SORCS2: variants seen among roughly 807,000 people sequenced by gnomAD.
The protein encoded by SORCS2 is VPS10 domain-containing receptor SorCS2.
Under a neutral mutation model 141.6 loss-of-function variants are expected in SORCS2, and 100 were observed. The observed-to-expected ratio is 0.71, with a 90% confidence interval of 0.60 to 0.83. The LOEUF (loss-of-function observed/expected upper bound fraction) is 0.83. Ranked by LOEUF, SORCS2 falls within the 40% of genes least tolerant of loss-of-function variation. SORCS2 has a pLI of 0.00. For synonymous variants in SORCS2, 789 were observed against 676.9 expected (o/e 1.17, Z -2.57); for missense variants, 1,646 against 1,560.2 (o/e 1.05, Z -0.93).
chr4:7,657,206 G>T (rs1157879916), intron 5 of SORCS2, among the ~76,000 whole-genome samples: 1 of 152,250 alleles, frequency 6.6e-6, no homozygotes, highest in East Asian at 1.9e-4. Context: ...CAGAGCAAGA[G>T]ACTAAAGGAA....
At chr4:7,518,960 G>A (rs1350686262) in intron 2 of SORCS2, among the ~76,000 whole-genome samples, 2 of 152,190 alleles carry the variant, frequency 1.3e-5, no homozygotes, top group South Asian at 2.1e-4. Flanking sequence ...AGCTGCCAAG[G>A]TAACTGGCAC....
chr4:7,293,809 C>G (rs1254153206), intron 1 of SORCS2, among the ~76,000 whole-genome samples: 2 of 152,178 alleles, frequency 1.3e-5, no homozygotes, highest in African/African-American at 4.8e-5. Flanking sequence ...TAGGGCATGC[C>G]TGCATTGGCT....
At chr4:7,242,674 C>T (rs1192796858) in intron 1 of SORCS2, among the ~76,000 whole-genome samples, 1 of 152,118 alleles carries the variant, frequency 6.6e-6, no homozygotes, top group African/African-American at 2.4e-5. Flanking sequence ...ACTTCCAGGC[C>T]CAATTCAAAT....
intron 2 of SORCS2, among the ~76,000 whole-genome samples, chr4:7,454,106 G>A (rs1728689393): frequency 7.2e-6 from 1 of 138,092 alleles, no homozygotes. Context: ...GTCAGGTGCT[G>A]TGTTGGGGTC....
intron 2 of SORCS2, among the ~76,000 whole-genome samples, chr4:7,460,464 T>G (rs1034228325): frequency 6.6e-6 from 1 of 152,180 alleles, no homozygotes; most frequent in Admixed American, 6.5e-5. Flanking sequence ...AGTTGCAGCC[T>G]CAGTGAATTC....
chr4:7,213,898 G>C (rs1728183912), intron 1 of SORCS2, among the ~76,000 whole-genome samples: 1 of 152,248 alleles, frequency 6.6e-6, no homozygotes, highest in Non-Finnish European at 1.5e-5. Flanking sequence ...GGCTGGGCTG[G>C]AAGCTGGCTT....
intron 1 of SORCS2, among the ~76,000 whole-genome samples, chr4:7,308,259 C>T (rs1323828083): frequency 6.6e-6 from 1 of 152,170 alleles, no homozygotes; most frequent in Non-Finnish European, 1.5e-5. Context: ...CCCGGTGGGG[C>T]CTCAAGGCAG....
At chr4:7,674,896 C>A (rs543569406) in intron 8 of SORCS2, among the ~76,000 whole-genome samples, 4 of 152,262 alleles carry the variant, frequency 2.6e-5, no homozygotes, top group Admixed American at 6.5e-5. Context: ...CACAGCTACA[C>A]CGTAATTGGG....
intron 2 of SORCS2, among the ~76,000 whole-genome samples, chr4:7,511,639 C>A (rs1212703683): frequency 6.6e-6 from 1 of 152,072 alleles, no homozygotes; most frequent in Non-Finnish European, 1.5e-5. Flanking sequence ...GGGCGTGGCC[C>A]CGTGAAGGCC....
intron 3 of SORCS2, among the ~76,000 whole-genome samples, chr4:7,635,523 A>G (rs769430718): frequency 6.6e-5 from 10 of 152,110 alleles, no homozygotes; most frequent in Non-Finnish European, 1.5e-4. Context: ...TTGTCCACTC[A>G]TTTGTCATTA....
intron 16 of SORCS2, 82 bp downstream of exon 16, chr4:7,714,455 AG>A: frequency 6.8e-7 from 1 of 1,465,500 alleles, no homozygotes; most frequent in Non-Finnish European, 9.2e-7. Flanking sequence ...CCTCAGAGTG[AG>A]GGAGGAAGCC....
At chr4:7,672,701 C>T (rs1418204821) in intron 8 of SORCS2, among the ~76,000 whole-genome samples, 1 of 152,178 alleles carries the variant, frequency 6.6e-6, no homozygotes. Context: ...CTGGATACCC[C>T]TCATATCCAT....
At chr4:7,244,561 C>T (rs73206413) in intron 1 of SORCS2, among the ~76,000 whole-genome samples, 1,642 of 152,344 alleles carry the variant, frequency 0.011, 12 homozygotes, top group Non-Finnish European at 0.017. Flanking sequence ...AGATGAAAAG[C>T]GTGAAGCAGG....
chr4:7,227,700 C>T (rs763035628), intron 1 of SORCS2, among the ~76,000 whole-genome samples: 2 of 152,208 alleles, frequency 1.3e-5, no homozygotes, highest in Non-Finnish European at 2.9e-5. Context: ...TCCTTCCTCG[C>T]CTTTCACCCC....
intron 1 of SORCS2, among the ~76,000 whole-genome samples, chr4:7,301,521 C>T (rs535893454): frequency 2.0e-5 from 3 of 152,314 alleles, no homozygotes; most frequent in African/African-American, 7.2e-5. Context: ...CTGGGCTGAC[C>T]CCTGAGTATG....
Position 7,192,679 on chromosome 4 carries a change from G to A in SORCS2, c.33G>A (p.Lys11=). Residue 11 remains lysine, a synonymous_variant, in exon 1 of 27, where the codon AAG becomes AAA. Transcript: ENST00000507866. This position sits in a 1 kb window ranked among gnomAD's most constrained non-coding sequence, Gnocchi z 4.0. ...ACCGGGGGCCCTCGCGCGCCTCGAA[G>A]GGCCCCGGCCCCACCGCCCGAGCCC... MAHRGPSRAS[K]GPGPTARAPS... is the part of the protein sequence containing the mutation. 8.1e-6 allele frequency: 8 copies of A among 988,420 alleles called. No homozygotes were observed. The highest frequency in any genetic ancestry group is 9.6e-6 in the Non-Finnish European group (8 of 833,258). The allele number at this position is 988,420 out of a possible 1,614,324, so 61.2% of individuals were successfully genotyped here.
At chr4:7,252,488 A>C (rs1040977128) in intron 1 of SORCS2, among the ~76,000 whole-genome samples, 5 of 152,232 alleles carry the variant, frequency 3.3e-5, no homozygotes, top group African/African-American at 1.2e-4. Context: ...TGATGGTTGA[A>C]CTTTTTCATT....
chr4:7,632,864 T>A (rs1246977330), intron 3 of SORCS2, among the ~76,000 whole-genome samples: 1 of 151,416 alleles, frequency 6.6e-6, no homozygotes, highest in Non-Finnish European at 1.5e-5. Flanking sequence ...CACAAGATGC[T>A]GGAGGGGGCA....
At chr4:7,484,134 G>T (rs1010843018) in intron 2 of SORCS2, among the ~76,000 whole-genome samples, 2 of 152,150 alleles carry the variant, frequency 1.3e-5, no homozygotes, top group African/African-American at 4.8e-5. Context: ...ATGATGGGAG[G>T]CAGCTTAAAG....
Sources: gnomAD v4.1 joint callset for allele counts (sites outside exome capture counted in the v4.1 genomes callset) on GRCh38, gnomAD v4.1.1 for gene constraint, Gnocchi (gnomAD v3.1) non-coding constraint, MANE v1.5 for transcripts, NCBI Gene and HGNC (gene_info 2026-07-23, HGNC 2026-07-21) for gene names.